Variants in NFIB observed in about 807,000 individuals in gnomAD.
NFIB encodes nuclear factor 1 B-type.
In NFIB, 11 loss-of-function variants were observed where a neutral mutation model predicts 61.5. The ratio of observed to expected loss-of-function variants is 0.18; its 90% confidence interval spans 0.11 to 0.30. The LOEUF (loss-of-function observed/expected upper bound fraction) is 0.30, where lower values mean the gene tolerates loss of function less well. Among genes scored for constraint, NFIB ranks in the 10% least tolerant of loss-of-function variants. The pLI is 1.00. For missense variants in NFIB, 471 were observed against 608.9 expected, an observed-to-expected ratio of 0.77 and a Z score of 2.38; for synonymous variants, 260 against 216.5, an observed-to-expected ratio of 1.20 and a Z score of -1.76.
intron 10 of NFIB, among the ~76,000 whole-genome samples, chr9:14,101,351 A>C (rs1374094281): frequency 6.6e-6 from 1 of 152,230 alleles, no homozygotes; most frequent in Non-Finnish European, 1.5e-5. Flanking sequence ...TTAAAAACAT[A>C]ATCTGAATTA....
chr9:14,402,124 A>T (rs2061748551), upstream of NFIB, among the ~76,000 whole-genome samples: 2 of 152,226 alleles, frequency 1.3e-5, no homozygotes, highest in African/African-American at 4.8e-5. Context: ...TGACTGCCAG[A>T]GCATGAAAGA....
At chr9:14,094,386 CTT>C (rs1480025795) in intron 10 of NFIB, 2 of 151,968 alleles carry the variant, frequency 1.3e-5, no homozygotes, top group African/African-American at 4.8e-5. Flanking sequence ...GCAGTATTTG[CTT>C]TTGTCTTACA....
chr9:14,428,071 G>C, the NFIB span, among the ~76,000 whole-genome samples: 1 of 146,892 alleles, frequency 6.8e-6, no homozygotes, highest in East Asian at 2.1e-4. Flanking sequence ...TCAGCTTCCT[G>C]AGTAGCTGGG....
At chr9:14,364,754 T>C (rs936188517) in intron 1 of NFIB, among the ~76,000 whole-genome samples, 28 of 152,194 alleles carry the variant, frequency 1.8e-4, no homozygotes, top group African/African-American at 6.3e-4. Context: ...ACAGTTACTA[T>C]GGTTTACCTC....
At chr9:14,402,082 C>G (rs973634608), upstream of NFIB, among the ~76,000 whole-genome samples, 1 of 152,026 alleles carries the variant, frequency 6.6e-6, no homozygotes, top group Admixed American at 6.6e-5. Flanking sequence ...AAATTTTCCC[C>G]AGAGACAGAA....
At chr9:14,144,561 T>C (rs2042088949) in intron 6 of NFIB, among the ~76,000 whole-genome samples, 1 of 152,216 alleles carries the variant, frequency 6.6e-6, no homozygotes, top group Non-Finnish European at 1.5e-5. Flanking sequence ...AACTACTTAT[T>C]GTACTCCTAC....
intron 3 of NFIB, among the ~76,000 whole-genome samples, chr9:14,172,851 C>T (rs1481128209): frequency 6.6e-6 from 1 of 151,952 alleles, no homozygotes; most frequent in Non-Finnish European, 1.5e-5. Flanking sequence ...CCCACTGCAA[C>T]CTCTGCCTCC....
At chr9:14,176,353 T>C (rs551707463) in intron 3 of NFIB, among the ~76,000 whole-genome samples, 7 of 151,196 alleles carry the variant, frequency 4.6e-5, no homozygotes, top group African/African-American at 1.7e-4. Context: ...CCTAGAAAAA[T>C]GAAGTGCTTA....
chr9:14,307,408 C>T lies in NFIB; in HGVS notation c.143G>A (p.Arg48Gln), dbSNP rs762269932. ...KRKYFKKHEK[R>Q]MSKDEERAVK... ...TGCTCTTTCTTCATCCTTTGACATT[C>T]GCTTCTCATGCTTTTTAAAGTACTT... is the stretch of plus-strand genomic sequence containing the variant. The change falls in exon 2 of 11, where the codon CGA (arginine) becomes CAA (glutamine). Residue 48 changes from arginine to glutamine, a missense_variant. By Grantham distance (43) the Arg-to-Gln change is conservative. Coordinates refer to ENST00000380953, the MANE Select transcript of NFIB (RefSeq NM_001190737.2). The surrounding 1 kb of genome is among the most constrained non-coding windows in gnomAD (Gnocchi z 5.3). The T allele has an allele frequency of 1.2e-6, 2 of 1,613,972 alleles. No individual in the cohort carries two copies. The highest frequency in any genetic ancestry group is 1.7e-5 in the Admixed American group (1 of 60,002).
At chr9:14,161,598 A>G (rs1324792991) in intron 3 of NFIB, among the ~76,000 whole-genome samples, 1 of 152,034 alleles carries the variant, frequency 6.6e-6, no homozygotes, top group African/African-American at 2.4e-5. Flanking sequence ...CCTTTTAGAT[A>G]AAGTTTTTCA....
At chr9:14,148,384 G>A in intron 5 of NFIB, among the ~76,000 whole-genome samples, 1 of 151,990 alleles carries the variant, frequency 6.6e-6, no homozygotes, top group East Asian at 1.9e-4. Flanking sequence ...AAAGTACTGG[G>A]AATCCAGCTG....
intron 1 of NFIB, among the ~76,000 whole-genome samples, chr9:14,360,603 G>C (rs1489635510): frequency 2.0e-5 from 3 of 149,614 alleles, no homozygotes; most frequent in African/African-American, 7.4e-5. Flanking sequence ...GGAGTGCAGT[G>C]GCGCGATCTC....
In NFIB at chr9:14,083,967, GA is replaced by G. The variant is rs2032441252; in HGVS notation, c.*4341del. The G allele has an allele frequency of 4.5e-6, 1 of 219,808 alleles. No homozygotes were observed. Among genetic ancestry groups the G allele is most frequent in the African/African-American group, 2.2e-5 (1 of 44,562 alleles). The allele number at this position is 219,808 out of a possible 1,614,324, so 13.6% of individuals were successfully genotyped here. A position where few individuals can be genotyped will look rare whatever the true frequency, so the allele number is the denominator to read the frequency against. On this transcript the variant is annotated 3_prime_UTR_variant, in exon 11 of 11. Coordinates refer to ENST00000380953, the MANE Select transcript of NFIB (RefSeq NM_001190737.2). ...TAAAGGCCGTATATACTAATAAAAA[GA>G]CAGTGGTGCTTCGACATTCTGAAAT...
At chr9:14,295,634 A>AAAC (rs1203847009) in intron 2 of NFIB, among the ~76,000 whole-genome samples, 29 of 10,200 alleles carry the variant, frequency 2.8e-3, no homozygotes, top group African/African-American at 3.6e-3. Context: ...CCTTCTCAAA[A>AAAC]AACAAACAAA....
At chr9:14,403,806 G>C (rs1271790851), upstream of NFIB, among the ~76,000 whole-genome samples, 1 of 152,158 alleles carries the variant, frequency 6.6e-6, no homozygotes, top group African/African-American at 2.4e-5. Flanking sequence ...CTCTGTCAAA[G>C]AGATGCCATA....
At chr9:14,212,268 TTG>T (rs2050394404) in intron 2 of NFIB, among the ~76,000 whole-genome samples, 1 of 152,246 alleles carries the variant, frequency 6.6e-6, no homozygotes, top group South Asian at 2.1e-4. Flanking sequence ...CACATTAAGG[TTG>T]ATGAGTCACA....
intron 1 of NFIB, among the ~76,000 whole-genome samples, chr9:14,358,913 TC>T (rs1564029675): frequency 6.6e-6 from 1 of 152,236 alleles, no homozygotes; most frequent in Non-Finnish European, 1.5e-5. Flanking sequence ...ATCAACCTTA[TC>T]ATCACTTCCT....
chr9:14,287,422 C>T (rs2058786140), intron 2 of NFIB, among the ~76,000 whole-genome samples: 1 of 150,080 alleles, frequency 6.7e-6, no homozygotes, highest in South Asian at 2.1e-4. Flanking sequence ...GACCGAGACT[C>T]CGTCAAAAAA....
rs150282306 is a variant in NFIB, at chr9:14,280,476, C to G, written c.562+26513G>C. On this transcript the variant is annotated intron_variant, in intron 2 of 10. Transcript: ENST00000380953. ...ATCATTTTTTAAATACCTCAATCTT[C>G]TCTAACCCTACACTCACACTTTACT... 1.1e-3 allele frequency among the ~76,000 whole-genome samples: 175 copies of G among 152,294 alleles called. 1 individual carries two copies. Among genetic ancestry groups the G allele is most frequent in the Non-Finnish European group, 3.5e-4 (24 of 68,018 alleles).
Sources: gnomAD v4.1 joint callset for allele counts (sites outside exome capture counted in the v4.1 genomes callset) on GRCh38, gnomAD v4.1.1 for gene constraint, Gnocchi (gnomAD v3.1) non-coding constraint, MANE v1.5 for transcripts, NCBI Gene and HGNC (gene_info 2026-07-23, HGNC 2026-07-21) for gene names.